Variants in RSF1 observed in about 807,000 individuals in gnomAD.
RSF1 encodes HBV pX-associated protein 8.
RSF1 carries 13 observed loss-of-function variants against 145.2 expected under a neutral mutation model. That is an observed-to-expected ratio of 0.09 (90% CI 0.06 to 0.14). RSF1 has a LOEUF of 0.14. Among genes scored for constraint, RSF1 ranks in the 10% least tolerant of loss-of-function variants. RSF1 has a pLI of 1.00. For missense variants in RSF1, 1,517 were observed against 1,718.2 expected (o/e 0.88, Z 2.07); for synonymous variants, 577 against 592.6 (o/e 0.97, Z 0.38).
At chr11:77,758,472 G>A (rs145192053) in intron 2 of RSF1, among the ~76,000 whole-genome samples, 1 of 152,092 alleles carries the variant, frequency 6.6e-6, no homozygotes, top group Non-Finnish European at 1.5e-5. Flanking sequence ...ATGTAGAAGT[G>A]GAATTGCTAG....
the RSF1 span, among the ~76,000 whole-genome samples, chr11:77,853,296 A>C: frequency 6.6e-6 from 1 of 152,224 alleles, no homozygotes; most frequent in Non-Finnish European, 1.5e-5. Flanking sequence ...AAGAGGTTTC[A>C]TTGGCTCAGG....
At chr11:77,841,697 T>C in the RSF1 span, among the ~76,000 whole-genome samples, 1 of 152,204 alleles carries the variant, frequency 6.6e-6, no homozygotes, top group Non-Finnish European at 1.5e-5. Flanking sequence ...CCTTGCAGCC[T>C]CTGGTCCACT....
chr11:77,777,011 T>TA (rs1396713383), intron 1 of RSF1, among the ~76,000 whole-genome samples: 4 of 152,008 alleles, frequency 2.6e-5, no homozygotes, highest in African/African-American at 9.7e-5. Flanking sequence ...AACCATTTTT[T>TA]AAAAAAACAA....
At chr11:77,709,765 G>C (rs1960635729) in intron 5 of RSF1, among the ~76,000 whole-genome samples, 1 of 151,752 alleles carries the variant, frequency 6.6e-6, no homozygotes, top group South Asian at 2.1e-4. Flanking sequence ...GAGTGCACTG[G>C]TATGATCATA....
intron 5 of RSF1, among the ~76,000 whole-genome samples, chr11:77,710,786 T>G (rs1960660126): frequency 6.6e-6 from 1 of 152,320 alleles, no homozygotes; most frequent in African/African-American, 2.4e-5. Context: ...AATACTTTTA[T>G]AAAAACAAAA....
the RSF1 span, chr11:77,866,704 T>G: frequency 6.6e-6 from 1 of 151,580 alleles, no homozygotes; most frequent in African/African-American, 2.4e-5. Context: ...ATGTGAGCTC[T>G]GGGTGAGAGA....
Position 77,666,546 on chromosome 11 carries a change from T to G in RSF1, c.*371A>C, listed in dbSNP as rs2135803882. 1 of 156,874 alleles carries G rather than the reference T, an allele frequency of 6.4e-6. No individual in the cohort carries two copies. The highest frequency in any genetic ancestry group is 6.5e-5 in the Admixed American group (1 of 15,492). 9.7% of individuals were successfully genotyped at this position (156,874 alleles called of 1,614,324 possible). A position where few individuals can be genotyped will look rare whatever the true frequency, so the allele number is the denominator to read the frequency against. On this transcript the variant is annotated 3_prime_UTR_variant, in exon 16 of 16. Coordinates refer to ENST00000308488, the MANE Select transcript of RSF1 (RefSeq NM_016578.4). ...TGCTTTCACCCACCCCTAAATTCTG[T>G]TTTGGGCCCTCACAGATTCGGAATG...
At chr11:77,865,030 C>T in the RSF1 span, among the ~76,000 whole-genome samples, 1 of 151,846 alleles carries the variant, frequency 6.6e-6, no homozygotes, top group South Asian at 2.1e-4. Flanking sequence ...TTACTCTCTC[C>T]TTCTCTGGAC....
At position 77,692,487 on chromosome 11, in the gene RSF1, G is replaced by A. The variant is rs1399177726; in HGVS notation, c.2820+1020C>T. Among the ~76,000 whole-genome samples the A allele has an allele frequency of 6.8e-5, 7 of 102,348 alleles. 1 individual carries two copies. Among genetic ancestry groups the A allele is most frequent in the African/African-American group, 3.0e-4 (6 of 19,802 alleles). The allele number at this position is 102,348 out of a possible 152,430, so 67.1% of individuals were successfully genotyped here. A position where few individuals can be genotyped will look rare whatever the true frequency, so the allele number is the denominator to read the frequency against. ...TCTCGATCTCCTGACCTCGTGATCC[G>A]CCCGCCTCGGCCTCCCAAAGTGCTG... On this transcript the variant is annotated intron_variant, in intron 8 of 15. Transcript: ENST00000308488.
chr11:77,837,136 TTTGC>T, the RSF1 span, among the ~76,000 whole-genome samples: 1 of 152,212 alleles, frequency 6.6e-6, no homozygotes, highest in Non-Finnish European at 1.5e-5. Context: ...TGTTTGTTTG[TTTGC>T]TTGCTTGTTT....
chr11:77,760,149 C>G (rs373940823), intron 2 of RSF1, among the ~76,000 whole-genome samples: 1 of 152,184 alleles, frequency 6.6e-6, no homozygotes, highest in Admixed American at 6.5e-5. Context: ...CAGCATTATT[C>G]CTAATAGACA....
chr11:77,782,307 G>T lies in RSF1; in HGVS notation c.188-17618C>A, dbSNP rs185527713. 4.0e-3 allele frequency among the ~76,000 whole-genome samples: 609 copies of T among 152,178 alleles called. 2 individuals are homozygous for T. Among genetic ancestry groups the T allele is most frequent in the African/African-American group, 0.014 (575 of 41,442 alleles). On this transcript the variant is annotated intron_variant, in intron 1 of 15. Transcript: ENST00000308488. Reference sequence around the variant, plus strand: ...TGTAATCCCAACACTTTGGGAGGCTGAGGCAGGCAGATCACTTTTGGTCAG... The same window carrying T: ...TGTAATCCCAACACTTTGGGAGGCTTAGGCAGGCAGATCACTTTTGGTCAG...
rs1959317290 is a variant in RSF1, at chr11:77,664,614, A to T, written c.*2303T>A. On this transcript the variant is annotated 3_prime_UTR_variant, in exon 16 of 16. Coordinates refer to ENST00000308488, the MANE Select transcript of RSF1 (RefSeq NM_016578.4). ...GAGGTAGAGACAGGGCACATGGGAG[A>T]GTTTCCACACAATAGTGGCTTTACC... 1 of 152,214 alleles carries T rather than the reference A, an allele frequency of 6.6e-6. No individual in the cohort carries two copies. The highest frequency in any genetic ancestry group is 1.5e-5 in the Non-Finnish European group (1 of 68,054). 9.4% of individuals were successfully genotyped at this position (152,214 alleles called of 1,614,324 possible).
At chr11:77,738,733 A>T (rs7129325) in intron 4 of RSF1, 116,375 of 152,020 alleles carry the variant, frequency 0.77, 44,778 homozygotes, top group South Asian at 0.9. Context: ...CAGGCTGGAG[A>T]ACAGTGGCGT....
the RSF1 span, among the ~76,000 whole-genome samples, chr11:77,846,027 G>C: frequency 6.6e-6 from 1 of 151,156 alleles, no homozygotes; most frequent in Admixed American, 6.6e-5. Context: ...TTGAGAACTG[G>C]ACATTTTACA....
intron 2 of RSF1, among the ~76,000 whole-genome samples, chr11:77,747,540 CA>C (rs1445064990): frequency 6.6e-6 from 1 of 152,150 alleles, no homozygotes; most frequent in Non-Finnish European, 1.5e-5. Flanking sequence ...TACTTTTAAC[CA>C]CGCCTCTCTT....
At chr11:77,737,467 C>A (rs878908118) in intron 4 of RSF1, among the ~76,000 whole-genome samples, 13 of 141,506 alleles carry the variant, frequency 9.2e-5, no homozygotes, top group South Asian at 4.3e-4. Context: ...AAAAAAAAAA[C>A]CAAAAAACAA....
chr11:77,706,625 G>A (rs1174930984), intron 5 of RSF1, among the ~76,000 whole-genome samples: 1 of 151,618 alleles, frequency 6.6e-6, no homozygotes, highest in Non-Finnish European at 1.5e-5. Context: ...GTAAGCAATT[G>A]CTATTTTGTA....
At chr11:77,814,440 C>T (rs1948762438) in intron 1 of RSF1, among the ~76,000 whole-genome samples, 1 of 151,956 alleles carries the variant, frequency 6.6e-6, no homozygotes, top group African/African-American at 2.4e-5. Flanking sequence ...GAATTCAAGG[C>T]CCTAACTCTG....
Sources: gnomAD v4.1 joint callset for allele counts (sites outside exome capture counted in the v4.1 genomes callset) on GRCh38, gnomAD v4.1.1 for gene constraint, MANE v1.5 for transcripts, NCBI Gene and HGNC (gene_info 2026-07-23, HGNC 2026-07-21) for gene names.